SLC7A9: variants seen among roughly 807,000 people sequenced by gnomAD.
The protein encoded by SLC7A9 is B(0,+)-type amino acid transporter 1.
A neutral mutation model predicts 54.1 loss-of-function variants in SLC7A9; 38 were observed. The observed-to-expected ratio is 0.70, with a 90% CI of 0.54 to 0.92. The LOEUF is 0.92. Ranked by LOEUF, SLC7A9 falls within the 40% of genes least tolerant of loss-of-function variation. The pLI is 0.00. For synonymous variants in SLC7A9, 264 were observed against 258.9 expected (o/e 1.02, Z -0.19); for missense variants, 537 against 636.1 (o/e 0.84, Z 1.68).
chr19:32,849,573 TGGATTCACAGCCGAATTCTACC>T (rs1968405330), intron 9 of SLC7A9, among the ~76,000 whole-genome samples: 3 of 146,092 alleles, frequency 2.1e-5, no homozygotes, highest in African/African-American at 7.8e-5. Context: ...CAGGACCAGA[TGGATTCACAGCCGAATTCTACC>T]AGAGGTACAA....
chr19:32,855,150 C>T (rs1341771264), intron 9 of SLC7A9, among the ~76,000 whole-genome samples: 1 of 152,158 alleles, frequency 6.6e-6, no homozygotes, highest in Admixed American at 6.5e-5. Flanking sequence ...CTTTTGACAA[C>T]AGAGATGACT....
chr19:32,868,290 AG>A (rs1223982880), intron 2 of SLC7A9, among the ~76,000 whole-genome samples, 157 bp downstream of exon 2: 1 of 151,984 alleles, frequency 6.6e-6, no homozygotes, highest in Non-Finnish European at 1.5e-5. Flanking sequence ...AAGAGAAGTA[AG>A]TCCAGAGATT....
At chr19:32,842,596 T>TG (rs1465983668) in intron 10 of SLC7A9, among the ~76,000 whole-genome samples, 59 of 144,800 alleles carry the variant, frequency 4.1e-4, no homozygotes, top group South Asian at 2.5e-3. Context: ...AACTGTGGGT[T>TG]TTTTTGTTTT....
At position 32,868,450 on chromosome 19, in the gene SLC7A9, C is replaced by T. The variant is rs764159266; in HGVS notation, c.85G>A (p.Glu29Lys). 1 of 1,613,886 alleles carries T rather than the reference C, an allele frequency of 6.2e-7. No homozygotes were observed. Residue 29 changes from glutamate to lysine, a missense_variant and splice_region_variant, in exon 2 of 13, where the codon GAG becomes AAG. Coordinates refer to ENST00000023064, the MANE Select transcript of SLC7A9 (RefSeq NM_014270.5). ...QEPKTTSLQK[E>K]LGLISGISII... ...TGCCCCACCAGAGACCGCCTTACCT[C>T]CTTTTGGAGACTGGTGGTCTTAGGC...
intron 9 of SLC7A9, 44 bp from the exon 10 acceptor site, chr19:32,843,995 C>CATCT (rs776830074): frequency 6.9e-5 from 100 of 1,454,026 alleles, no homozygotes; most frequent in Non-Finnish European, 9.1e-5. Flanking sequence ...GAGTGCAGAC[C>CATCT]ATCTGTCCAG....
rs1371116437 is a variant in SLC7A9 at position 32,862,236 on chromosome 19, G to A, written c.605-19C>T. 1 of 1,591,182 alleles carries A rather than the reference G, an allele frequency of 6.3e-7. No individual in the cohort carries two copies. On this transcript the variant is annotated intron_variant, in intron 5 of 12. Coordinates refer to ENST00000023064, the MANE Select transcript of SLC7A9 (RefSeq NM_014270.5). ...GTGTTTCCTGTAATGAAGCCAGACA[G>A]TGAACGGCGGGTGTCAACCGGGCAG...
Position 32,845,027 on chromosome 19 carries a change from G to A in SLC7A9, c.978-1076C>T, listed in dbSNP as rs192717062. On this transcript the variant is annotated intron_variant, in intron 9 of 12. Coordinates refer to ENST00000023064, the MANE Select transcript of SLC7A9 (RefSeq NM_014270.5). Reference sequence around the variant, plus strand: ...AAAATACAAAAAATCAGCTGGGCATGGTGGTGGGCGCCTGTACTCTGAGCT... The same window carrying A: ...AAAATACAAAAAATCAGCTGGGCATAGTGGTGGGCGCCTGTACTCTGAGCT... Among the ~76,000 whole-genome samples the A allele has an allele frequency of 2.7e-3, 403 of 151,980 alleles. 4 individuals are homozygous for A. Among genetic ancestry groups the A allele is most frequent in the African/African-American group, 9.3e-3 (386 of 41,450 alleles).
intron 9 of SLC7A9, among the ~76,000 whole-genome samples, chr19:32,848,197 A>C (rs1433868371): frequency 6.6e-5 from 10 of 152,258 alleles, no homozygotes; most frequent in Admixed American, 4.6e-4. Context: ...TATTAACTTT[A>C]AATGTAAATG....
chr19:32,832,448 G>A (rs932531060), intron 12 of SLC7A9, among the ~76,000 whole-genome samples: 2 of 151,870 alleles, frequency 1.3e-5, no homozygotes, highest in African/African-American at 2.4e-5. Flanking sequence ...TTAGCTGGGC[G>A]TGGTGGTGCA....
intron 9 of SLC7A9, among the ~76,000 whole-genome samples, chr19:32,849,585 C>A (rs199580109): frequency 1.3e-5 from 2 of 151,436 alleles, no homozygotes. Context: ...GATTCACAGC[C>A]GAATTCTACC....
rs1052496260 is a variant in SLC7A9, at chr19:32,831,095, T to C, written c.1400-411A>G. ...CTGGAAGAGGATGCCCAGGAAGTCTTAAAGGCTTTTAGAAATGGGGTTTCC... is the reference window on the plus strand; with the variant it reads ...CTGGAAGAGGATGCCCAGGAAGTCTCAAAGGCTTTTAGAAATGGGGTTTCC... On this transcript the variant is annotated intron_variant, in intron 12 of 12. Coordinates refer to ENST00000023064, the MANE Select transcript of SLC7A9 (RefSeq NM_014270.5). Among the ~76,000 whole-genome samples the C allele has an allele frequency of 2.2e-4, 33 of 151,292 alleles. No individual in the cohort carries two copies. In the South Asian group the frequency reaches 5.9e-3, roughly 27 times the overall value.
At position 32,859,822 on chromosome 19, in the gene SLC7A9, G is replaced by T; in HGVS notation, c.873+19C>A. 6.2e-7 allele frequency: 1 copy of T among 1,601,178 alleles called. No homozygotes were observed. Among genetic ancestry groups the T allele is most frequent in the Non-Finnish European group, 8.6e-7 (1 of 1,168,200 alleles). ...CCACAAGCCACAGCCCCCGCCAGCA[G>T]CGATGCCCGGGCACTCACCACAGCC... On this transcript the variant is annotated intron_variant, in intron 8 of 12. Transcript: ENST00000023064.
intron 4 of SLC7A9, among the ~76,000 whole-genome samples, chr19:32,863,602 C>A (rs1968871130): frequency 6.6e-6 from 1 of 152,104 alleles, no homozygotes; most frequent in African/African-American, 2.4e-5. Context: ...CTCAAGCGAT[C>A]CTCCCACCTC....
At chr19:32,857,368 C>T (rs758743989) in intron 9 of SLC7A9, among the ~76,000 whole-genome samples, 33 of 151,744 alleles carry the variant, frequency 2.2e-4, no homozygotes, top group Non-Finnish European at 4.0e-4. Flanking sequence ...TGCTTGAGCC[C>T]AGGAGGTAGA....
At chr19:32,831,670 G>GCTA (rs992571846) in intron 12 of SLC7A9, among the ~76,000 whole-genome samples, 17 of 152,316 alleles carry the variant, frequency 1.1e-4, no homozygotes, top group Admixed American at 1.0e-3. Flanking sequence ...AGCAAAAGTG[G>GCTA]CTACTAACAT....
In SLC7A9 at chr19:32,843,887, G is replaced by A. The variant is rs747524088; in HGVS notation, c.1042C>T (p.Arg348Cys). ...LKVLSYISVR[R>C]LTPAPAIIFY... ...ATGATGGCGGGGGCTGGAGTGAGGC[G>A]CCTGACGCTGATGTAAGAAAGCACT... The change falls in exon 10 of 13, where the codon CGC (arginine) becomes TGC (cysteine). Residue 348 changes from arginine (R) to cysteine (C), a missense_variant. Physicochemically the swap from Arg to Cys is radical, Grantham distance 180 (BLOSUM62 -3). Coordinates refer to ENST00000023064, the MANE Select transcript of SLC7A9 (RefSeq NM_014270.5). The A allele has an allele frequency of 2.0e-5, 33 of 1,613,710 alleles. No individual in the cohort carries two copies. Among genetic ancestry groups the A allele is most frequent in the Admixed American group, 8.3e-5 (5 of 59,996 alleles).
In SLC7A9 at chr19:32,862,123, A is replaced by C; in HGVS notation, c.699T>G (p.Asp233Glu). 6.2e-7 allele frequency: 1 copy of C among 1,609,100 alleles called. No homozygotes were observed. The highest frequency in any genetic ancestry group is 8.5e-7 in the Non-Finnish European group (1 of 1,175,768). Residue 233 changes from aspartate to glutamate, a missense_variant, in exon 6 of 13, where the codon GAT becomes GAG. Coordinates refer to ENST00000023064, the MANE Select transcript of SLC7A9 (RefSeq NM_014270.5). ...GACATCTCAGGACACCTCACCATCC[A>C]TCATAGGCCCAGAGTCCATTGTAAA... ...LAFYNGLWAY[D>E]GWNQLNYITE...
chr19:32,835,052 A>G (rs1860987395), intron 11 of SLC7A9, among the ~76,000 whole-genome samples: 1 of 152,138 alleles, frequency 6.6e-6, no homozygotes, highest in African/African-American at 2.4e-5. Context: ...GGCCTCCCAG[A>G]GCGCTGGGAT....
intron 12 of SLC7A9, among the ~76,000 whole-genome samples, chr19:32,831,108 A>C (rs1442728340): frequency 2.0e-5 from 3 of 151,836 alleles, no homozygotes; most frequent in Admixed American, 1.3e-4. Context: ...AGGCTTTTAG[A>C]AATGGGGTTT....
Sources: gnomAD v4.1 joint callset for allele counts (sites outside exome capture counted in the v4.1 genomes callset) on GRCh38, gnomAD v4.1.1 for gene constraint, MANE v1.5 for transcripts, NCBI Gene and HGNC (gene_info 2026-07-23, HGNC 2026-07-21) for gene names.